NAALADL2: variants seen among roughly 807,000 people sequenced by gnomAD.
NAALADL2 encodes the protein N-acetylated alpha-linked acidic dipeptidase like 2.
NAALADL2 carries 76 observed loss-of-function variants against 87.2 expected under a neutral mutation model. The observed-to-expected ratio is 0.87, with a 90% CI of 0.72 to 1.05. The LOEUF is 1.05. Among genes scored for constraint, NAALADL2 ranks in the 50% least tolerant of loss-of-function variants. NAALADL2 has a pLI of 0.00. For missense variants in NAALADL2, 1,089 were observed against 945.8 expected (o/e 1.15, Z -1.99); for synonymous variants, 354 against 331.0 (o/e 1.07, Z -0.75).
chr3:175,387,146 G>A (rs140823971), intron 5 of NAALADL2, among the ~76,000 whole-genome samples: 104 of 152,122 alleles, frequency 6.8e-4, no homozygotes, highest in African/African-American at 2.3e-3. Flanking sequence ...CACTAAAAGT[G>A]GGAAAGACTT....
intron 11 of NAALADL2, among the ~76,000 whole-genome samples, chr3:175,724,718 C>G (rs1390294715): frequency 2.6e-5 from 4 of 152,066 alleles, no homozygotes; most frequent in African/African-American, 9.7e-5. Flanking sequence ...CTACCTCTCT[C>G]TAGTGCCTTC....
chr3:175,395,860 T>C (rs968251849), intron 5 of NAALADL2, among the ~76,000 whole-genome samples: 12 of 152,188 alleles, frequency 7.9e-5, no homozygotes, highest in African/African-American at 2.4e-5. Context: ...AGCAATGAAA[T>C]GGCAGTATGA....
chr3:174,577,363 C>A (rs1715647508), intron 2 of NAALADL2, among the ~76,000 whole-genome samples: 1 of 151,974 alleles, frequency 6.6e-6, no homozygotes, highest in Non-Finnish European at 1.5e-5. Context: ...GATTAACCTG[C>A]CAGCAGATGT....
chr3:175,054,304 A>C (rs1181897999), intron 1 of NAALADL2, among the ~76,000 whole-genome samples: 3 of 152,230 alleles, frequency 2.0e-5, no homozygotes, highest in Non-Finnish European at 4.4e-5. Flanking sequence ...TGGAATTGTA[A>C]ATGCAAACCA....
chr3:174,725,319 A>G (rs1460272403), intron 2 of NAALADL2, among the ~76,000 whole-genome samples: 10 of 151,568 alleles, frequency 6.6e-5, no homozygotes, highest in Admixed American at 6.6e-5. Flanking sequence ...AATTAAAAAC[A>G]TGGTTTTTTA....
chr3:175,778,815 T>TACGG (rs1560001241), intron 13 of NAALADL2, among the ~76,000 whole-genome samples: 28 of 152,174 alleles, frequency 1.8e-4, no homozygotes, highest in Non-Finnish European at 1.5e-5. Context: ...GCTTGTCTTG[T>TACGG]ACGGGTAAGG....
At chr3:174,842,281 CCT>C (rs1724113189) in intron 3 of NAALADL2, among the ~76,000 whole-genome samples, 1 of 152,088 alleles carries the variant, frequency 6.6e-6, no homozygotes, top group African/African-American at 2.4e-5. Flanking sequence ...GAACTCCTGG[CCT>C]CAGGTGATCC....
intron 1 of NAALADL2, among the ~76,000 whole-genome samples, chr3:175,092,760 G>T (rs1211330038): frequency 6.6e-6 from 1 of 151,906 alleles, no homozygotes. Flanking sequence ...ATAATAGAGG[G>T]TTAAGTGTAT....
chr3:175,680,886 G>A (rs1462645099), intron 11 of NAALADL2, among the ~76,000 whole-genome samples: 2 of 152,142 alleles, frequency 1.3e-5, no homozygotes, highest in East Asian at 1.9e-4. Flanking sequence ...AGGCTGAGGC[G>A]GGCGGATCAA....
chr3:175,217,969 A>G (rs1234976525), intron 2 of NAALADL2: 6 of 276,968 alleles, frequency 2.2e-5, no homozygotes, highest in Middle Eastern at 5.0e-4. Context: ...GTGGGACATG[A>G]ATAGATAGTG....
intron 1 of NAALADL2, among the ~76,000 whole-genome samples, chr3:174,873,339 C>T (rs1276376589): frequency 1.3e-5 from 2 of 152,120 alleles, no homozygotes; most frequent in East Asian, 1.9e-4. Flanking sequence ...ACTGCAACCT[C>T]CGCCTCCCGG....
intron 1 of NAALADL2, among the ~76,000 whole-genome samples, chr3:174,867,496 G>A (rs1373987376): frequency 1.3e-5 from 2 of 151,824 alleles, no homozygotes; most frequent in African/African-American, 2.4e-5. Context: ...GCAATAAAAT[G>A]TTCTCTTCCT....
intron 11 of NAALADL2, among the ~76,000 whole-genome samples, chr3:175,693,868 T>C (rs2149928068): frequency 6.6e-6 from 1 of 152,204 alleles, no homozygotes; most frequent in Non-Finnish European, 1.5e-5. Context: ...CCAGCTAATT[T>C]TTGTATTTTT....
chr3:174,589,210 G>T (rs187772528), intron 2 of NAALADL2, among the ~76,000 whole-genome samples: 9 of 152,302 alleles, frequency 5.9e-5, no homozygotes, highest in Admixed American at 5.9e-4. Context: ...TGTGCTGTTT[G>T]CTAAGACTGT....
chr3:175,663,920 G>C (rs778240016), intron 11 of NAALADL2, among the ~76,000 whole-genome samples: 10 of 151,894 alleles, frequency 6.6e-5, no homozygotes, highest in Non-Finnish European at 1.0e-4. Flanking sequence ...AGTCATATTT[G>C]CATGATGTAT....
chr3:175,266,777 C>T (rs1041704264), intron 4 of NAALADL2, among the ~76,000 whole-genome samples: 4 of 151,734 alleles, frequency 2.6e-5, no homozygotes, highest in Non-Finnish European at 5.9e-5. Flanking sequence ...CCAATACCCA[C>T]ATTAATGATT....
At chr3:175,429,585 T>C (rs980748900) in intron 5 of NAALADL2, among the ~76,000 whole-genome samples, 9 of 152,006 alleles carry the variant, frequency 5.9e-5, no homozygotes, top group Non-Finnish European at 1.0e-4. Flanking sequence ...ATTTAAAATT[T>C]GCATATTTTC....
At chr3:175,423,018 G>GAAAAAAAAAAAAA (rs1218647180) in intron 5 of NAALADL2, among the ~76,000 whole-genome samples, 3 of 61,606 alleles carry the variant, frequency 4.9e-5, no homozygotes, top group African/African-American at 2.4e-4. Context: ...AGGTCCTTAA[G>GAAAAAAAAAAAAA]AAAAAAAAAA....
chr3:174,807,890 A>AGTGAGT (rs67432240), intron 3 of NAALADL2, among the ~76,000 whole-genome samples: 4 of 141,522 alleles, frequency 2.8e-5, no homozygotes, highest in Admixed American at 1.4e-4. Flanking sequence ...TGTGTGTGTG[A>AGTGAGT]GAGAGAGAGA....
Sources: gnomAD v4.1 joint callset for allele counts (sites outside exome capture counted in the v4.1 genomes callset) on GRCh38, gnomAD v4.1.1 for gene constraint, MANE v1.5 for transcripts, NCBI Gene and HGNC (gene_info 2026-07-23, HGNC 2026-07-21) for gene names.